Variants in SMAP1 observed in about 807,000 individuals in gnomAD.
The protein encoded by SMAP1 is stromal membrane-associated protein 1.
A neutral mutation model predicts 58.5 loss-of-function variants in SMAP1; 24 were observed. That is an observed-to-expected ratio of 0.41 (90% CI 0.30 to 0.58). SMAP1 has a LOEUF of 0.58. SMAP1 is among the 20% of genes least tolerant of loss of function. The pLI, the probability that SMAP1 is intolerant of heterozygous loss-of-function variation, is 0.29. For missense variants in SMAP1, 563 were observed against 566.3 expected (o/e 0.99, Z 0.06); for synonymous variants, 216 against 196.6 (o/e 1.10, Z -0.82).
At chr6:70,741,005 A>G (rs970239730) in intron 2 of SMAP1, among the ~76,000 whole-genome samples, 1 of 152,160 alleles carries the variant, frequency 6.6e-6, no homozygotes, top group Non-Finnish European at 1.5e-5. Flanking sequence ...CGCCCCCATG[A>G]TTCAATTATT....
intron 1 of SMAP1, among the ~76,000 whole-genome samples, chr6:70,731,593 G>A (rs1765434771): frequency 6.6e-6 from 1 of 152,098 alleles, no homozygotes; most frequent in Admixed American, 6.5e-5. Context: ...CACGAAATTT[G>A]TAGATACATT....
intron 4 of SMAP1, among the ~76,000 whole-genome samples, chr6:70,779,717 G>A (rs143461565): frequency 6.6e-6 from 1 of 152,194 alleles, no homozygotes; most frequent in African/African-American, 2.4e-5. Context: ...CTCCCCTAGT[G>A]CTCTATTCAA....
chr6:70,859,252 A>G (rs1771586365), intron 10 of SMAP1: 4 of 1,011,708 alleles, frequency 4.0e-6, no homozygotes, highest in Non-Finnish European at 5.8e-6. Context: ...CACATGGTCA[A>G]CATGCTGAAG....
intron 1 of SMAP1, among the ~76,000 whole-genome samples, chr6:70,730,636 G>A (rs1765392879): frequency 6.6e-6 from 1 of 152,160 alleles, no homozygotes; most frequent in Admixed American, 6.5e-5. Flanking sequence ...TAAGTTGCAT[G>A]TGCATAATCT....
intron 1 of SMAP1, among the ~76,000 whole-genome samples, chr6:70,708,927 G>T (rs1582038653): frequency 6.6e-6 from 1 of 152,118 alleles, no homozygotes; most frequent in Non-Finnish European, 1.5e-5. Context: ...TTTTCATTTT[G>T]TTGATTGTTT....
intron 4 of SMAP1, among the ~76,000 whole-genome samples, chr6:70,779,710 C>A (rs1401505127): frequency 2.0e-5 from 3 of 152,110 alleles, no homozygotes; most frequent in African/African-American, 4.8e-5. Flanking sequence ...TACTGTTCTC[C>A]CCTAGTGCTC....
intron 5 of SMAP1, among the ~76,000 whole-genome samples, chr6:70,794,416 C>T (rs1362031358): frequency 6.6e-6 from 1 of 152,026 alleles, no homozygotes; most frequent in African/African-American, 2.4e-5. Context: ...GAGTAGGTGA[C>T]AGCTATATTT....
intron 6 of SMAP1, among the ~76,000 whole-genome samples, chr6:70,814,183 A>T (rs892743608): frequency 6.6e-6 from 1 of 152,160 alleles, no homozygotes; most frequent in Non-Finnish European, 1.5e-5. Flanking sequence ...TCCTAGGTTT[A>T]TGGCCTCCTA....
intron 3 of SMAP1, chr6:70,759,909 G>T (rs1255107536): frequency 4.6e-6 from 2 of 432,404 alleles, no homozygotes; most frequent in African/African-American, 2.0e-5. Context: ...CCTGACCATG[G>T]CATTTTATGT....
intron 1 of SMAP1, among the ~76,000 whole-genome samples, chr6:70,707,642 G>A (rs961089423): frequency 2.6e-5 from 4 of 152,058 alleles, no homozygotes; most frequent in Non-Finnish European, 4.4e-5. Flanking sequence ...GTCTCACTCT[G>A]TCACCCAAGC....
intron 6 of SMAP1, among the ~76,000 whole-genome samples, chr6:70,804,185 A>G (rs532439058): frequency 2.0e-5 from 3 of 152,244 alleles, no homozygotes; most frequent in Admixed American, 6.5e-5. Flanking sequence ...TATTGGGTGC[A>G]TATATATTTA....
At chr6:70,840,812 G>C (rs1254729572) in intron 7 of SMAP1, among the ~76,000 whole-genome samples, 2 of 152,206 alleles carry the variant, frequency 1.3e-5, no homozygotes, top group Admixed American at 1.3e-4. Flanking sequence ...GGCCCCTCTT[G>C]ACTAAGTGCC....
intron 4 of SMAP1, among the ~76,000 whole-genome samples, chr6:70,780,210 T>A (rs958624019): frequency 1.3e-5 from 2 of 152,188 alleles, no homozygotes; most frequent in South Asian, 2.1e-4. Flanking sequence ...TATGGTCATA[T>A]AGAATGAGTC....
intron 1 of SMAP1, among the ~76,000 whole-genome samples, chr6:70,714,032 T>C (rs993573676): frequency 6.6e-6 from 1 of 152,178 alleles, no homozygotes; most frequent in Non-Finnish European, 1.5e-5. Context: ...TGACTTACAG[T>C]GTACTTCGAT....
intron 1 of SMAP1, chr6:70,694,106 A>G (rs1050707499): frequency 6.9e-6 from 2 of 289,004 alleles, no homozygotes; most frequent in Non-Finnish European, 1.3e-5. Flanking sequence ...TCCTTTGGAA[A>G]GTTACTTTGT....
intron 1 of SMAP1, among the ~76,000 whole-genome samples, chr6:70,697,112 G>A (rs575005307): frequency 3.3e-5 from 5 of 151,976 alleles, no homozygotes; most frequent in Non-Finnish European, 1.5e-5. Context: ...CAGTCTTTGT[G>A]TGTTATTACA....
At chr6:70,858,355 T>C (rs1771535096) in intron 10 of SMAP1, 126 bp downstream of exon 10, 2 of 809,750 alleles carry the variant, frequency 2.5e-6, no homozygotes, top group Non-Finnish European at 3.7e-6. Flanking sequence ...ATAGGGATAA[T>C]ATGTTATAGG....
chr6:70,671,249 G>A (rs1766251830), intron 1 of SMAP1, among the ~76,000 whole-genome samples: 1 of 152,034 alleles, frequency 6.6e-6, no homozygotes. Flanking sequence ...TTGGACATCA[G>A]GAGTAGCCTG....
At chr6:70,854,252 C>T (rs1318848733) in intron 8 of SMAP1, among the ~76,000 whole-genome samples, 2 of 152,140 alleles carry the variant, frequency 1.3e-5, no homozygotes, top group African/African-American at 4.8e-5. Context: ...TTAGACTGTA[C>T]AAGTTATGTT....
Sources: allele counts gnomAD v4.1 joint callset (sites outside exome capture counted in the v4.1 genomes callset), GRCh38; gene constraint gnomAD v4.1.1; transcripts MANE v1.5; gene names NCBI Gene and HGNC (gene_info 2026-07-23, HGNC 2026-07-21).